The following COL13A1 variants were observed in gnomAD, a reference collection of about 807,000 sequenced individuals.
The protein encoded by COL13A1 is collagen type XIII alpha 1 chain.
A neutral mutation model predicts 130.9 loss-of-function variants in COL13A1; 89 were observed. That is an observed-to-expected ratio of 0.68 (90% confidence interval 0.57 to 0.81). COL13A1 has a LOEUF of 0.81. COL13A1 is among the 30% of genes least tolerant of loss of function. The pLI is 0.00. For missense variants in COL13A1, 879 were observed against 934.6 expected, an observed-to-expected ratio of 0.94 and a Z score of 0.78; for synonymous variants, 402 against 341.6, an observed-to-expected ratio of 1.18 and a Z score of -1.95.
chr10:69,846,974 G>A (rs1400254272), intron 2 of COL13A1, among the ~76,000 whole-genome samples: 1 of 152,240 alleles, frequency 6.6e-6, no homozygotes, highest in East Asian at 1.9e-4. Flanking sequence ...ACCCCAGGGT[G>A]CTGCTAGAAA....
intron 2 of COL13A1, among the ~76,000 whole-genome samples, chr10:69,839,323 C>G (rs1397817406): frequency 6.6e-6 from 1 of 152,144 alleles, no homozygotes; most frequent in Non-Finnish European, 1.5e-5. Context: ...ACAAAATAAG[C>G]ACATAAGGAA....
At position 69,940,854 on chromosome 10, in the gene COL13A1, T is replaced by A. The variant is rs1326149622; in HGVS notation, c.1879-134T>A. The A allele has an allele frequency of 5.0e-6, 6 of 1,206,840 alleles. No individual in the cohort carries two copies. The Admixed American group carries it at 1.1e-4, about 23-fold the overall frequency. The allele number at this position is 1,206,840 out of a possible 1,614,324, so 74.8% of individuals were successfully genotyped here. ...TGTCCTCCCAAGCTTATTTCTCCAG[T>A]TGTGTTTGATTACCAGCATTTATGT... On this transcript the variant is annotated intron_variant, in intron 34 of 40. Coordinates refer to ENST00000645393, the MANE Select transcript of COL13A1 (RefSeq NM_001368882.1).
At chr10:69,918,402 G>T in intron 19 of COL13A1, 85 bp downstream of exon 19, 3 of 1,392,346 alleles carry the variant, frequency 2.2e-6, no homozygotes, top group Non-Finnish European at 3.0e-6. Flanking sequence ...GACTCAGTGG[G>T]GTGGCTGCCA....
intron 29 of COL13A1, 118 bp downstream of exon 29, chr10:69,930,205 G>A: frequency 9.6e-7 from 1 of 1,038,204 alleles, no homozygotes; most frequent in Non-Finnish European, 1.3e-6. Flanking sequence ...CAAGGGAAGG[G>A]GAGATGGGGG....
chr10:69,909,207 G>C (rs10999025), intron 17 of COL13A1, among the ~76,000 whole-genome samples: 3,258 of 152,210 alleles, frequency 0.021, 138 homozygotes, highest in African/African-American at 0.076. Flanking sequence ...CCACATCCAG[G>C]GCTTGTCAGA....
In COL13A1 at chr10:69,956,779, T is replaced by A. The variant is rs918684703; in HGVS notation, c.2146-225T>A. 4 of 534,332 alleles carry A rather than the reference T, an allele frequency of 7.5e-6. No individual in the cohort carries two copies. The African/African-American group carries it at 7.6e-5, about 10-fold the overall frequency. The allele number at this position is 534,332 out of a possible 1,614,324, so 33.1% of individuals were successfully genotyped here. A position where few individuals can be genotyped will look rare whatever the true frequency, so the allele number is the denominator to read the frequency against. On this transcript the variant is annotated intron_variant, in intron 39 of 40. Transcript: ENST00000645393. ...GGGCTAGGACAGCCCCTATTGACGTTGCACTATAGCTGCATGTGACCTTTA... is the reference window on the plus strand; with the variant it reads ...GGGCTAGGACAGCCCCTATTGACGTAGCACTATAGCTGCATGTGACCTTTA...
intron 24 of COL13A1, among the ~76,000 whole-genome samples, chr10:69,924,516 G>T (rs901733073): frequency 6.6e-6 from 1 of 150,998 alleles, no homozygotes; most frequent in African/African-American, 2.4e-5. Flanking sequence ...CGGCATTCTG[G>T]GTCTTTCACA....
intron 35 of COL13A1, among the ~76,000 whole-genome samples, chr10:69,942,017 G>A (rs181390595): frequency 1.3e-5 from 2 of 152,318 alleles, no homozygotes; most frequent in Admixed American, 1.3e-4. Flanking sequence ...CCACCCTCAG[G>A]GGAGGCGAGA....
Position 69,822,456 on chromosome 10 carries a change from T to C in COL13A1, c.364+18T>C, listed in dbSNP as rs776365763. The C allele has an allele frequency of 3.8e-6, 6 of 1,570,452 alleles. No individual in the cohort carries two copies. The highest frequency in any genetic ancestry group is 5.2e-6 in the Non-Finnish European group (6 of 1,158,284). ...CCCACCAGGTAAGCAGCCCTGCAAA[T>C]AGGTGACCGCGGATGTTCCTAAGAC... On this transcript the variant is annotated intron_variant, in intron 2 of 40. Transcript: ENST00000645393.
Position 69,927,095 on chromosome 10 carries a change from G to A in COL13A1, c.1407G>A (p.Arg469=). 1 of 1,613,934 alleles carries A rather than the reference G, an allele frequency of 6.2e-7. No individual in the cohort carries two copies. The highest frequency in any genetic ancestry group is 8.5e-7 in the Non-Finnish European group (1 of 1,179,860). The change falls in exon 27 of 41, where the codon CGG becomes CGA. Residue 469 remains arginine, a synonymous_variant. Coordinates refer to ENST00000645393, the MANE Select transcript of COL13A1 (RefSeq NM_001368882.1). ...GNINEALQEI[R]TLALMGPPGL... The stretch of plus-strand genomic sequence containing the variant: ...TGGTGTTGGTTTTTTAGGAGATCCG[G>A]ACGCTGGCCTTGATGGTAAGTTTTG...
chr10:69,837,986 C>T (rs554336971), intron 2 of COL13A1, among the ~76,000 whole-genome samples: 1 of 152,352 alleles, frequency 6.6e-6, no homozygotes, highest in African/African-American at 2.4e-5. Context: ...TCTCCCAGCC[C>T]TTCTCCAGTG....
chr10:69,894,457 C>T, intron 10 of COL13A1, 95 bp from the exon 11 acceptor site: 1 of 1,465,208 alleles, frequency 6.8e-7, no homozygotes, highest in Non-Finnish European at 9.4e-7. Context: ...TAGAGCCCAG[C>T]CTTCGGGATT....
At chr10:69,912,206 T>C (rs942157976) in intron 17 of COL13A1, among the ~76,000 whole-genome samples, 1 of 152,214 alleles carries the variant, frequency 6.6e-6, no homozygotes, top group Non-Finnish European at 1.5e-5. Flanking sequence ...CTGACTTTTC[T>C]TTTTGGAACT....
chr10:69,897,710 C>G (rs1277489184), intron 13 of COL13A1, among the ~76,000 whole-genome samples: 12 of 152,216 alleles, frequency 7.9e-5, no homozygotes. Context: ...CTCCCCATCC[C>G]CAGCTGGGCG....
At chr10:69,957,772 A>G (rs1221687915) in intron 40 of COL13A1, among the ~76,000 whole-genome samples, 2 of 152,096 alleles carry the variant, frequency 1.3e-5, no homozygotes, top group African/African-American at 4.8e-5. Flanking sequence ...GTCCCCAGCA[A>G]TGGTGGCAGC....
rs1840160066 is a variant in COL13A1, at chr10:69,802,086, C to A, written c.-338C>A. 4.3e-6 allele frequency: 1 copy of A among 234,328 alleles called. No individual in the cohort carries two copies. Among genetic ancestry groups the A allele is most frequent in the Non-Finnish European group, 8.1e-6 (1 of 123,172 alleles). 14.5% of individuals were successfully genotyped at this position (234,328 alleles called of 1,614,324 possible). ...ACGAGGCGCCCAGAAGGACTGACAG[C>A]GCGGCACCAACTGCTCTGCAGACAC... is the stretch of plus-strand genomic sequence containing the variant. On this transcript the variant is annotated 5_prime_UTR_variant, in exon 1 of 41. Coordinates refer to ENST00000645393, the MANE Select transcript of COL13A1 (RefSeq NM_001368882.1).
intron 15 of COL13A1, among the ~76,000 whole-genome samples, chr10:69,904,145 G>A (rs1409317132): frequency 2.0e-5 from 3 of 152,078 alleles, no homozygotes; most frequent in Non-Finnish European, 2.9e-5. Flanking sequence ...CTCAGGAAAC[G>A]GAACCAAACT....
chr10:69,857,396 C>T (rs926653262), intron 2 of COL13A1, among the ~76,000 whole-genome samples: 1 of 152,136 alleles, frequency 6.6e-6, no homozygotes, highest in Non-Finnish European at 1.5e-5. Context: ...AGGGCAACAG[C>T]GTGATTAAGG....
Position 69,952,904 on chromosome 10 carries a change from C to G in COL13A1, c.2081C>G (p.Ser694Cys). 1 of 1,555,546 alleles carries G rather than the reference C, an allele frequency of 6.4e-7. No individual in the cohort carries two copies. The highest frequency in any genetic ancestry group is 8.6e-7 in the Non-Finnish European group (1 of 1,159,524). Residue 694 changes from serine (S) to cysteine (C), a missense_variant, in exon 39 of 41, where the codon TCT becomes TGT. Ser to Cys is a moderately radical substitution (Grantham distance 112). This residue lies in a region of COL13A1 where 68 missense variants were observed against 65.8 expected (regional missense o/e 1.03). Coordinates refer to ENST00000645393, the MANE Select transcript of COL13A1 (RefSeq NM_001368882.1). ...GNRGERGKKG[S>C]RGPKGDKGDQ... ...CAGGGGGAGAGGGGGAAGAAAGGCT[C>G]TAGAGGGCCTAAAGGGGATAAGGGA...
Sources: allele counts gnomAD v4.1 joint callset (sites outside exome capture counted in the v4.1 genomes callset), GRCh38; gene constraint gnomAD v4.1.1; regional missense constraint gnomAD v4.1.1; transcripts MANE v1.5; gene names NCBI Gene and HGNC (gene_info 2026-07-23, HGNC 2026-07-21).